PCDHA7: variants seen among roughly 807,000 people sequenced by gnomAD.
PCDHA7 encodes protocadherin alpha-7.
In PCDHA7, 37 loss-of-function variants were observed where a neutral mutation model predicts 57.2. That is an observed-to-expected ratio of 0.65 (90% CI 0.50 to 0.85). The LOEUF (loss-of-function observed/expected upper bound fraction) is 0.85. PCDHA7 is among the 40% of genes least tolerant of loss of function. The pLI is 0.00. For synonymous variants in PCDHA7, 553 were observed against 558.8 expected, an observed-to-expected ratio of 0.99 and a Z score of 0.15; for missense variants, 1,188 against 1,241.8, an observed-to-expected ratio of 0.96 and a Z score of 0.65.
In PCDHA7 at chr5:140,968,167, A is replaced by G. The variant is rs782252124; in HGVS notation, c.2356-10782A>G. 1.3e-4 allele frequency: 217 copies of G among 1,613,958 alleles called. 1 individual carries two copies. The highest frequency in any genetic ancestry group is 9.3e-6 in the Non-Finnish European group (11 of 1,180,038). On this transcript the variant is annotated intron_variant, in intron 1 of 3. Transcript: ENST00000525929. ...TCTCTGACATCAATGACAATCCACC[A>G]AGCTTCCTGGAGGACTCCTATTCCA...
At chr5:140,926,926 T>C in intron 1 of PCDHA7, 1 of 1,573,576 alleles carries the variant, frequency 6.4e-7, no homozygotes, top group South Asian at 1.2e-5. Flanking sequence ...TTTATGTTTG[T>C]GGGTTTCCTG....
intron 1 of PCDHA7, chr5:140,852,917 T>A: frequency 1.3e-6 from 1 of 767,560 alleles, no homozygotes; most frequent in Non-Finnish European, 1.6e-6. Context: ...CTCGCTCTGT[T>A]GCCCAGGCTG....
chr5:140,962,107 G>A (rs1010906038), intron 1 of PCDHA7, among the ~76,000 whole-genome samples: 20 of 151,860 alleles, frequency 1.3e-4, no homozygotes, highest in African/African-American at 4.4e-4. Flanking sequence ...GGATGGTCTC[G>A]ATCTCCTAAC....
intron 1 of PCDHA7, among the ~76,000 whole-genome samples, chr5:140,904,681 A>G (rs1562946233): frequency 6.6e-6 from 1 of 152,192 alleles, no homozygotes; most frequent in South Asian, 2.1e-4. Context: ...CATTCCCACC[A>G]GCAGTGTAAA....
At chr5:140,934,952 C>T (rs1007494400) in intron 1 of PCDHA7, among the ~76,000 whole-genome samples, 22 of 152,218 alleles carry the variant, frequency 1.4e-4, no homozygotes, top group African/African-American at 5.1e-4. Flanking sequence ...AGAGAGATCC[C>T]ATGTGCTTGT....
intron 1 of PCDHA7, among the ~76,000 whole-genome samples, chr5:140,922,186 G>A (rs2080700999): frequency 6.6e-6 from 1 of 151,230 alleles, no homozygotes; most frequent in South Asian, 2.1e-4. Context: ...CAAAAAAAAA[G>A]TCTTATCTTT....
At chr5:141,009,494 A>T in intron 3 of PCDHA7, 133 bp from the exon 4 acceptor site, 1 of 1,488,918 alleles carries the variant, frequency 6.7e-7, no homozygotes, top group South Asian at 1.4e-5. Flanking sequence ...TTGCCCTCAG[A>T]CTTGAACAAA....
intron 1 of PCDHA7, among the ~76,000 whole-genome samples, chr5:140,936,885 T>C (rs1490428437): frequency 6.6e-6 from 1 of 152,238 alleles, no homozygotes; most frequent in Non-Finnish European, 1.5e-5. Context: ...CCTGCTTTGA[T>C]TTTAATTGGC....
At chr5:141,008,686 A>G (rs1419778370) in intron 3 of PCDHA7, among the ~76,000 whole-genome samples, 1 of 152,174 alleles carries the variant, frequency 6.6e-6, no homozygotes, top group Non-Finnish European at 1.5e-5. Flanking sequence ...TAGTTATTGC[A>G]TGTATTAAGT....
chr5:140,968,955 A>G, intron 1 of PCDHA7: 2 of 1,614,220 alleles, frequency 1.2e-6, no homozygotes, highest in Non-Finnish European at 1.7e-6. Flanking sequence ...AGCATCATCA[A>G]GTGCTACCGC....
chr5:140,870,655 G>A (rs1554164527), intron 1 of PCDHA7: 1 of 1,612,540 alleles, frequency 6.2e-7, no homozygotes, highest in Non-Finnish European at 8.5e-7. Context: ...CAAGGTGTAC[G>A]CGCTGCAGCC....
chr5:141,009,407 G>T (rs990895210), intron 3 of PCDHA7, among the ~76,000 whole-genome samples: 2 of 152,184 alleles, frequency 1.3e-5, no homozygotes, highest in Admixed American at 6.5e-5. Flanking sequence ...TGCAGTGACT[G>T]CATTTCAGCC....
Position 140,836,399 on chromosome 5 carries a change from C to G in PCDHA7, c.2016C>G (p.Ser672Arg), listed in dbSNP as rs2150259749. ...TATVLVSLVE[S>R]GQAPKASSRA... ...CCGTGCTGGTGTCGCTGGTGGAAAG[C>G]GGCCAGGCACCAAAGGCGTCGTCGC... The change falls in exon 1 of 4, where the codon AGC becomes AGG. Residue 672 changes from serine to arginine, a missense_variant. Transcript: ENST00000525929. The G allele has an allele frequency of 5.6e-6, 9 of 1,613,764 alleles. No individual in the cohort carries two copies. The highest frequency in any genetic ancestry group is 7.6e-6 in the Non-Finnish European group (9 of 1,179,846).
chr5:140,937,039 CT>C (rs34994034), intron 1 of PCDHA7, among the ~76,000 whole-genome samples: 142 of 140,130 alleles, frequency 1.0e-3, no homozygotes, highest in Middle Eastern at 3.8e-3. Flanking sequence ...TTCCATTTAT[CT>C]TTTTTTTTTT....
At chr5:140,882,400 C>T (rs782194379) in intron 1 of PCDHA7, 10 of 1,614,172 alleles carry the variant, frequency 6.2e-6, no homozygotes, top group Admixed American at 3.3e-5. Context: ...ACGGCACCTT[C>T]GTGGGCCGCA....
intron 1 of PCDHA7, chr5:140,883,560 G>C: frequency 6.2e-7 from 1 of 1,614,184 alleles, no homozygotes; most frequent in South Asian, 1.1e-5. Flanking sequence ...CGGGACGGGG[G>C]CTCGCCTTCG....
At chr5:141,005,032 T>A (rs1031521338) in intron 3 of PCDHA7, among the ~76,000 whole-genome samples, 2 of 152,228 alleles carry the variant, frequency 1.3e-5, no homozygotes, top group Non-Finnish European at 2.9e-5. Context: ...TAATTGCCCA[T>A]ATGTGATACC....
chr5:140,941,461 G>A (rs1202773112), intron 1 of PCDHA7, among the ~76,000 whole-genome samples: 7 of 150,524 alleles, frequency 4.7e-5, no homozygotes, highest in Non-Finnish European at 7.4e-5. Context: ...GATTACAGGC[G>A]CCCACCACCA....
rs1305500600 is a variant in PCDHA7, at chr5:140,846,627, G to A, written c.2355+9889G>A. On this transcript the variant is annotated intron_variant, in intron 1 of 3. Transcript: ENST00000525929. Reference sequence around the variant, plus strand: ...CTGACCTCCTGATCCGCCCACTTCGGCCTCCTAAAGTGCTGGGATTACAGG... The same window carrying A: ...CTGACCTCCTGATCCGCCCACTTCGACCTCCTAAAGTGCTGGGATTACAGG... Among the ~76,000 whole-genome samples, 7 of 148,870 alleles carry A rather than the reference G, an allele frequency of 4.7e-5. No individual in the cohort carries two copies. In the Admixed American group the frequency reaches 4.7e-4, roughly 10 times the overall value.
Sources: allele counts gnomAD v4.1 joint callset (sites outside exome capture counted in the v4.1 genomes callset), GRCh38; gene constraint gnomAD v4.1.1; transcripts MANE v1.5; gene names NCBI Gene and HGNC (gene_info 2026-07-23, HGNC 2026-07-21).